Variants in RPTOR observed in about 807,000 individuals in gnomAD.
The protein encoded by RPTOR is regulatory associated protein of MTOR complex 1.
A neutral mutation model predicts 169.9 loss-of-function variants in RPTOR; 21 were observed. The ratio of observed to expected loss-of-function variants is 0.12; its 90% confidence interval spans 0.09 to 0.18. RPTOR has a LOEUF of 0.18. RPTOR is among the 10% of genes least tolerant of loss of function. RPTOR has a pLI of 1.00. For synonymous variants in RPTOR, 732 were observed against 753.2 expected (o/e 0.97, Z 0.46); for missense variants, 1,133 against 1,855.9 (o/e 0.61, Z 7.16).
At chr17:80,745,021 G>GCACAGCCCTGGTTACTAGC (rs2066558462) in intron 5 of RPTOR, among the ~76,000 whole-genome samples, 6 of 152,124 alleles carry the variant, frequency 3.9e-5, no homozygotes, top group African/African-American at 1.2e-4. Context: ...CTGGCTACTA[G>GCACAGCCCTGGTTACTAGC]ACACCTCTGC....
chr17:80,864,370 G>GCGTGACGGCAGGTTTCTTCTT (rs2067960703), intron 13 of RPTOR, among the ~76,000 whole-genome samples: 1 of 143,344 alleles, frequency 7.0e-6, no homozygotes, highest in Admixed American at 6.7e-5. Flanking sequence ...GAAAAGGTGA[G>GCGTGACGGCAGGTTTCTTCTT]AATGATGGCA....
Position 80,688,472 on chromosome 17 carries a change from A to G in RPTOR, c.349-19369A>G, listed in dbSNP as rs147889832. ...ATGGTTCAGTATTGTCAGGTTCTGG[A>G]TAAGTTTCTCTGTGTTCTTGACTTT... On this transcript the variant is annotated intron_variant, in intron 3 of 33. Coordinates refer to ENST00000306801, the MANE Select transcript of RPTOR (RefSeq NM_020761.3). 2.7e-3 allele frequency among the ~76,000 whole-genome samples: 408 copies of G among 152,308 alleles called. 2 individuals are homozygous for G. Among genetic ancestry groups the G allele is most frequent in the Non-Finnish European group, 2.8e-3 (188 of 68,030 alleles).
chr17:80,954,341 C>T (rs1230869150), intron 28 of RPTOR, among the ~76,000 whole-genome samples: 2 of 152,090 alleles, frequency 1.3e-5, no homozygotes, highest in African/African-American at 2.4e-5. Flanking sequence ...AGGCTGGTCT[C>T]GAACTCCTGA....
chr17:80,917,152 G>A (rs549855637), intron 21 of RPTOR, among the ~76,000 whole-genome samples: 20 of 147,202 alleles, frequency 1.4e-4, no homozygotes, highest in African/African-American at 3.5e-4. Context: ...TCACTATGTC[G>A]CCCAGGCTGG....
At chr17:80,727,293 T>C (rs1358784115) in intron 4 of RPTOR, among the ~76,000 whole-genome samples, 2 of 150,548 alleles carry the variant, frequency 1.3e-5, no homozygotes, top group African/African-American at 4.9e-5. Flanking sequence ...ACGCTGCACC[T>C]CTGACCGCAT....
chr17:80,739,293 T>C (rs933926084), intron 5 of RPTOR, among the ~76,000 whole-genome samples: 1 of 152,216 alleles, frequency 6.6e-6, no homozygotes, highest in African/African-American at 2.4e-5. Context: ...AAGTAAGTGC[T>C]TTCACTGAAC....
intron 8 of RPTOR, among the ~76,000 whole-genome samples, 193 bp downstream of exon 8, chr17:80,822,494 G>T (rs559101471): frequency 8.5e-5 from 13 of 152,362 alleles, no homozygotes; most frequent in Admixed American, 6.5e-4. Flanking sequence ...TGCACGCCAG[G>T]TTCTCAGAAC....
intron 20 of RPTOR, among the ~76,000 whole-genome samples, chr17:80,906,888 G>A (rs1018585223): frequency 6.6e-6 from 1 of 152,128 alleles, no homozygotes; most frequent in Non-Finnish European, 1.5e-5. Flanking sequence ...CACGGGCATG[G>A]GGCTTCCCTG....
intron 5 of RPTOR, among the ~76,000 whole-genome samples, chr17:80,734,364 G>A (rs577415538): frequency 8.5e-5 from 13 of 152,244 alleles, no homozygotes; most frequent in South Asian, 2.1e-4. Context: ...TCCAGGATCC[G>A]TCCCTGTGTC....
At chr17:80,587,010 G>A (rs183260291) in intron 1 of RPTOR, among the ~76,000 whole-genome samples, 2 of 152,336 alleles carry the variant, frequency 1.3e-5, no homozygotes, top group African/African-American at 4.8e-5. Flanking sequence ...CAATGTTCTC[G>A]ACCTTTGTAA....
intron 13 of RPTOR, 66 bp downstream of exon 13, chr17:80,857,966 C>A (rs1271226263): frequency 2.4e-6 from 3 of 1,254,358 alleles, no homozygotes; most frequent in African/African-American, 1.5e-5. Flanking sequence ...GATGCCGAGC[C>A]CTGCGTTTCC....
intron 6 of RPTOR, among the ~76,000 whole-genome samples, chr17:80,786,647 C>T (rs1257221496): frequency 1.3e-5 from 2 of 152,184 alleles, no homozygotes; most frequent in East Asian, 1.9e-4. Flanking sequence ...GGATTGGCTA[C>T]CGCAGGGGGT....
rs1021281219 is a variant in RPTOR, at chr17:80,754,856, C to T, written c.830+671C>T. ...AAAGCTTATATGTCGTGGCTGTTAC[C>T]GGCTAGTAGATAAATACCTCTCCCT... On this transcript the variant is annotated intron_variant, in intron 6 of 33. Transcript: ENST00000306801. The surrounding 1 kb of genome is among the most constrained non-coding windows in gnomAD (Gnocchi z 4.2). 1.3e-5 allele frequency among the ~76,000 whole-genome samples: 2 copies of T among 152,170 alleles called. No homozygotes were observed. The highest frequency in any genetic ancestry group is 4.8e-5 in the African/African-American group (2 of 41,422).
chr17:80,747,828 A>G (rs975716164), intron 5 of RPTOR, among the ~76,000 whole-genome samples: 4 of 152,224 alleles, frequency 2.6e-5, no homozygotes, highest in East Asian at 1.9e-4. Context: ...ATGCCATCCT[A>G]TGTTCTAGTG....
At chr17:80,745,459 G>A (rs1051886698) in intron 5 of RPTOR, among the ~76,000 whole-genome samples, 1 of 152,124 alleles carries the variant, frequency 6.6e-6, no homozygotes, top group African/African-American at 2.4e-5. Flanking sequence ...GGCGCAACTT[G>A]GTTTTTAAAT....
At chr17:80,813,234 G>A (rs1263175862) in intron 7 of RPTOR, among the ~76,000 whole-genome samples, 2 of 152,200 alleles carry the variant, frequency 1.3e-5, no homozygotes, top group South Asian at 2.1e-4. Flanking sequence ...GCGCTGAATT[G>A]TACATCATTT....
rs548457753 is a variant in RPTOR, at chr17:80,786,649, G to T, written c.831-4801G>T. On this transcript the variant is annotated intron_variant, in intron 6 of 33. Transcript: ENST00000306801. ...AGCCGCAGCAGCTGGATTGGCTACC[G>T]CAGGGGGTCTGCCTTGCTTGAGCCC... 2.0e-5 allele frequency among the ~76,000 whole-genome samples: 3 copies of T among 152,308 alleles called. No homozygotes were observed. In the South Asian group the frequency reaches 6.2e-4, roughly 32 times the overall value.
chr17:80,593,837 A>G (rs573722117), intron 1 of RPTOR: 14 of 152,314 alleles, frequency 9.2e-5, no homozygotes, highest in African/African-American at 3.1e-4. Context: ...TGTTAATTTG[A>G]AATGAATTAA....
chr17:80,624,481 T>G (rs183211284), intron 1 of RPTOR, among the ~76,000 whole-genome samples: 1 of 152,268 alleles, frequency 6.6e-6, no homozygotes, highest in Non-Finnish European at 1.5e-5. Context: ...GGGTGAAAAA[T>G]GACCCTTCCA....
Sources: gnomAD v4.1 joint callset for allele counts (sites outside exome capture counted in the v4.1 genomes callset) on GRCh38, gnomAD v4.1.1 for gene constraint, Gnocchi (gnomAD v3.1) non-coding constraint, MANE v1.5 for transcripts, NCBI Gene and HGNC (gene_info 2026-07-23, HGNC 2026-07-21) for gene names.